The following CUL7 variants were observed in gnomAD, a reference collection of about 807,000 sequenced individuals.
CUL7 encodes cullin-7.
In CUL7, 96 loss-of-function variants were observed where a neutral mutation model predicts 177.7. The ratio of observed to expected loss-of-function variants is 0.54; its 90% confidence interval spans 0.46 to 0.64. The LOEUF is 0.64. CUL7 is among the 30% of genes least tolerant of loss of function. CUL7 has a pLI of 0.00. For synonymous variants in CUL7, 824 were observed against 890.2 expected, an observed-to-expected ratio of 0.93 and a Z score of 1.32; for missense variants, 1,893 against 2,187.9, an observed-to-expected ratio of 0.87 and a Z score of 2.69.
intron 19 of CUL7, among the ~76,000 whole-genome samples, chr6:43,041,702 G>A (rs1197516836): frequency 2.0e-5 from 3 of 148,224 alleles, no homozygotes. Flanking sequence ...GGAAGGGAAG[G>A]GGAAGGGAAG....
chr6:43,042,778 G>A (rs776515608), intron 19 of CUL7, 24 bp downstream of exon 19: 2 of 1,551,650 alleles, frequency 1.3e-6, no homozygotes, highest in East Asian at 4.5e-5. Flanking sequence ...GAGACCCAAG[G>A]ATGAGGCAAG....
At chr6:43,039,094 G>A in intron 22 of CUL7, 107 bp from the exon 23 acceptor site, 1 of 765,190 alleles carries the variant, frequency 1.3e-6, no homozygotes, top group Non-Finnish European at 2.3e-6. Flanking sequence ...CAAGGCGTGT[G>A]ACCCCAGCAT....
At chr6:43,049,733 G>T in intron 6 of CUL7, 71 bp from the exon 7 acceptor site, 1 of 1,591,096 alleles carries the variant, frequency 6.3e-7, no homozygotes, top group South Asian at 1.1e-5. Context: ...CACTTGGTAG[G>T]GGTGGGGGTC....
intron 19 of CUL7, among the ~76,000 whole-genome samples, chr6:43,042,478 A>G (rs558312674): frequency 6.6e-6 from 1 of 152,082 alleles, no homozygotes; most frequent in East Asian, 1.9e-4. Context: ...GTAGCTGGGA[A>G]TACAGGCATG....
At position 43,045,350 on chromosome 6, in the gene CUL7, G is replaced by T. The variant is rs769466972; in HGVS notation, c.2915C>A (p.Thr972Lys). 21 of 1,614,234 alleles carry T rather than the reference G, an allele frequency of 1.3e-5. No individual in the cohort carries two copies. Among genetic ancestry groups the T allele is most frequent in the South Asian group, 1.1e-4 (10 of 91,088 alleles). ...CTGCTCCCGGAACACTGGCCAGAAC[G>T]TGGGCTTGGGGCCTAGGATCTCTAA... The part of the protein sequence containing the change: ...RGLEILGPKP[T>K]FWPVFREQLC... The change falls in exon 15 of 26, where the codon ACG becomes AAG. Residue 972 changes from threonine to lysine, a missense_variant. Around this residue, in one of 5 missense-constraint regions of CUL7, gnomAD observed 973 missense variants for 1,140.9 expected, o/e 0.85. Transcript: ENST00000265348. The surrounding 1 kb of genome is among the most constrained non-coding windows in gnomAD (Gnocchi z 4.8).
Position 43,040,560 on chromosome 6 carries a change from C to T in CUL7, c.3993G>A (p.Leu1331=), listed in dbSNP as rs2273917. The T allele has an allele frequency of 0.17, 272,015 of 1,613,972 alleles. 31,149 individuals are homozygous for T. The highest frequency in any genetic ancestry group is 0.58 in the African/African-American group (43,737 of 74,972). Residue 1331 remains leucine, a synonymous_variant, in exon 21 of 26, where the codon CTG becomes CTA. Coordinates refer to ENST00000265348, the MANE Select transcript of CUL7 (RefSeq NM_014780.5). The surrounding 1 kb of genome is among the most constrained non-coding windows in gnomAD (Gnocchi z 4.2). ...YQLQQLDQEL[L]KLEDTEKKIQ... is the part of the protein sequence containing the mutation. ...TTTTCTTCTCTGTATCCTCCAGCTT[C>T]AGGAGTTCCTGATCCAGCTGCTGGA...
Position 43,046,160 on chromosome 6 carries a change from G to A in CUL7, c.2661-69C>T. 4 of 1,611,906 alleles carry A rather than the reference G, an allele frequency of 2.5e-6. No homozygotes were observed. In the Admixed American group the frequency reaches 5.0e-5, roughly 20 times the overall value. ...CCCATGGCCAAGTCCAGGGGGTGGT[G>A]CTTCCCCCAAAACAAACACAGGGGC... On this transcript the variant is annotated intron_variant, in intron 12 of 25. Coordinates refer to ENST00000265348, the MANE Select transcript of CUL7 (RefSeq NM_014780.5).
rs141588000 is a variant in CUL7, at chr6:43,051,018, C to A, written c.1183G>T (p.Gly395Trp). 1 of 1,614,080 alleles carries A rather than the reference C, an allele frequency of 6.2e-7. No individual in the cohort carries two copies. Among genetic ancestry groups the A allele is most frequent in the African/African-American group, 1.3e-5 (1 of 74,920 alleles). ...CTCTGCCGAAACTCGCCCTCATCCC[C>A]GGCACTGATCTCCTCATAATCATCC... ...MLDDYEEISAGDEGEFRQSNN... is the reference protein window; with the variant it reads ...MLDDYEEISAWDEGEFRQSNN... The change falls in exon 4 of 26, where the codon GGG (glycine) becomes TGG (tryptophan). Residue 395 changes from glycine to tryptophan, a missense_variant. By Grantham distance (184) the Gly-to-Trp change is radical (BLOSUM62 -2). Transcript: ENST00000265348. The surrounding 1 kb of genome is among the most constrained non-coding windows in gnomAD (Gnocchi z 5.0).
chr6:43,040,908 C>A lies in CUL7; in HGVS notation c.3806+7G>T. 1 of 1,613,062 alleles carries A rather than the reference C, an allele frequency of 6.2e-7. No homozygotes were observed. Among genetic ancestry groups the A allele is most frequent in the South Asian group, 1.1e-5 (1 of 90,812 alleles). On this transcript the variant is annotated splice_region_variant and intron_variant, in intron 20 of 25. Transcript: ENST00000265348. The surrounding 1 kb of genome is among the most constrained non-coding windows in gnomAD (Gnocchi z 4.2). ...CGCCAGCTCCCGCTCCTTAGGTCCA[C>A]ACTCACTGGTAATAATGCTCAAAAG...
intron 19 of CUL7, among the ~76,000 whole-genome samples, chr6:43,042,073 AGGAG>A (rs541008563): frequency 5.0e-4 from 69 of 137,572 alleles, no homozygotes; most frequent in Middle Eastern, 3.8e-3. Context: ...GAGAAAGAGA[AGGAG>A]GGAGGGAGGG....
chr6:43,048,965 G>A (rs2150330509), intron 7 of CUL7, among the ~76,000 whole-genome samples: 1 of 151,880 alleles, frequency 6.6e-6, no homozygotes, highest in East Asian at 1.9e-4. Flanking sequence ...GTAGAGACGG[G>A]GTTTCACCAT....
Position 43,050,467 on chromosome 6 carries a change from C to G in CUL7, c.1234-69G>C. ...ACAAATGACTGGCTGTGGCCCAGTA[C>G]TGAGGACTATAGCCCTCAGGGTGAC... On this transcript the variant is annotated intron_variant, in intron 4 of 25. Transcript: ENST00000265348. This position sits in a 1 kb window ranked among gnomAD's most constrained non-coding sequence, Gnocchi z 4.1. 6.3e-7 allele frequency: 1 copy of G among 1,593,442 alleles called. No homozygotes were observed. The highest frequency in any genetic ancestry group is 2.2e-5 in the East Asian group (1 of 44,540).
Position 43,043,710 on chromosome 6 carries a change from A to G in CUL7, c.3173-80T>C. 1 of 931,160 alleles carries G rather than the reference A, an allele frequency of 1.1e-6. No homozygotes were observed. Among genetic ancestry groups the G allele is most frequent in the Non-Finnish European group, 1.7e-6 (1 of 579,968 alleles). 57.7% of individuals were successfully genotyped at this position (931,160 alleles called of 1,614,324 possible). A position where few individuals can be genotyped will look rare whatever the true frequency, so the allele number is the denominator to read the frequency against. ...GTGGTTGGGCTGAACAGGAGTGTGG[A>G]GATAGAGCAACTGGACGGAATGATA... On this transcript the variant is annotated intron_variant, in intron 16 of 25. Transcript: ENST00000265348. This position sits in a 1 kb window ranked among gnomAD's most constrained non-coding sequence, Gnocchi z 4.2.
Position 43,038,605 on chromosome 6 carries a change from C to A in CUL7, c.4528G>T (p.Gly1510Cys). ...TTTTGCTCGTGAAGGTCCAGGGGGC[C>A]TCTTGAAGAGGTGAGGGGCCCAATC... Reference protein sequence around the residue: ...QAIGPLTSSRGPLDLHEQKDI... With the variant: ...QAIGPLTSSRCPLDLHEQKDI... The change falls in exon 24 of 26, where the codon GGC (glycine) becomes TGC (cysteine). Residue 1510 changes from glycine to cysteine, a missense_variant. Gly to Cys is a radical substitution (Grantham distance 159, BLOSUM62 -3). Coordinates refer to ENST00000265348, the MANE Select transcript of CUL7 (RefSeq NM_014780.5). The A allele has an allele frequency of 6.2e-7, 1 of 1,614,118 alleles. No individual in the cohort carries two copies. Among genetic ancestry groups the A allele is most frequent in the Non-Finnish European group, 8.5e-7 (1 of 1,180,004 alleles).
chr6:43,050,112 G>A lies in CUL7; in HGVS notation c.1420C>T (p.Pro474Ser). Residue 474 changes from proline (P) to serine (S), a missense_variant, in exon 6 of 26, where the codon CCT becomes TCT. By Grantham distance (74) the Pro-to-Ser change is moderately conservative. Coordinates refer to ENST00000265348, the MANE Select transcript of CUL7 (RefSeq NM_014780.5). This position sits in a 1 kb window ranked among gnomAD's most constrained non-coding sequence, Gnocchi z 4.1. The part of the protein sequence containing the change: ...WRPMTELYAV[P>S]YVLPEDEDTE... The stretch of plus-strand genomic sequence containing the variant: ...TCCTCATCCTCAGGCAGCACATAAG[G>A]CACAGCATAGAGTTCTGTCATGGGC... 1.2e-6 allele frequency: 2 copies of A among 1,614,158 alleles called. No individual in the cohort carries two copies. The highest frequency in any genetic ancestry group is 1.7e-5 in the Admixed American group (1 of 60,016).
rs892430560 is a variant in CUL7, at chr6:43,049,540, G to A, written c.1692C>T (p.Val564=). The A allele has an allele frequency of 2.0e-5, 32 of 1,614,234 alleles. No homozygotes were observed. Among genetic ancestry groups the A allele is most frequent in the Non-Finnish European group, 2.6e-5 (31 of 1,180,046 alleles). Residue 564 remains valine (V), a synonymous_variant, in exon 7 of 26, where the codon GTC becomes GTT. Coordinates refer to ENST00000265348, the MANE Select transcript of CUL7 (RefSeq NM_014780.5). ...GGGCTTCAGGCCCATACTTCTTGTA[G>A]ACATGGCAGTTGATCAGGTCCCTGA... is the stretch of plus-strand genomic sequence containing the variant. ...SALRDLINCH[V]YKKYGPEALA... is the part of the protein sequence containing the mutation.
intron 10 of CUL7, 119 bp from the exon 11 acceptor site, chr6:43,046,720 G>A (rs964205960): frequency 1.4e-6 from 2 of 1,478,844 alleles, no homozygotes; most frequent in Non-Finnish European, 1.9e-6. Context: ...AGCACCAGCA[G>A]AGCAGGCCCA....
rs55724493 is a variant in CUL7, at chr6:43,046,844, G to A, written c.2397+36C>T. 5.0e-3 allele frequency: 6,792 copies of A among 1,353,364 alleles called. 30 individuals are homozygous for A. The highest frequency in any genetic ancestry group is 6.2e-3 in the South Asian group (533 of 85,878). The allele number at this position is 1,353,364 out of a possible 1,614,324, so 83.8% of individuals were successfully genotyped here. On this transcript the variant is annotated intron_variant, in intron 10 of 25. Transcript: ENST00000265348. Reference sequence around the variant, plus strand: ...CACTGCTTGGGTTTCATATTCTGATGCCACTCTAAGCCCACAAGCTCCCCT... The same window carrying A: ...CACTGCTTGGGTTTCATATTCTGATACCACTCTAAGCCCACAAGCTCCCCT...
At chr6:43,044,153 T>C (rs1384549787) in intron 16 of CUL7, among the ~76,000 whole-genome samples, 1 of 151,186 alleles carries the variant, frequency 6.6e-6, no homozygotes, top group African/African-American at 2.4e-5. Flanking sequence ...AGAAACCCCA[T>C]CTCTACTAAA....
Sources: gnomAD v4.1 joint callset for allele counts (sites outside exome capture counted in the v4.1 genomes callset) on GRCh38, gnomAD v4.1.1 for gene constraint, gnomAD v4.1.1 regional missense constraint, Gnocchi (gnomAD v3.1) non-coding constraint, MANE v1.5 for transcripts, NCBI Gene and HGNC (gene_info 2026-07-23, HGNC 2026-07-21) for gene names.